MLIP: variants seen among roughly 807,000 people sequenced by gnomAD.
MLIP encodes muscular LMNA-interacting protein.
MLIP carries 79 observed loss-of-function variants against 84.8 expected under a neutral mutation model. The ratio of observed to expected loss-of-function variants is 0.93; its 90% confidence interval spans 0.78 to 1.12. The LOEUF (loss-of-function observed/expected upper bound fraction) is 1.12. Ranked by LOEUF, MLIP falls within the 50% of genes most tolerant of loss-of-function variation. MLIP has a pLI of 0.00. For synonymous variants in MLIP, 504 were observed against 463.0 expected, an observed-to-expected ratio of 1.09 and a Z score of -1.14; for missense variants, 1,257 against 1,160.6, an observed-to-expected ratio of 1.08 and a Z score of -1.21.
At chr6:54,198,878 C>CTG (rs66922206) in intron 10 of MLIP, among the ~76,000 whole-genome samples, 5 of 137,698 alleles carry the variant, frequency 3.6e-5, no homozygotes, top group South Asian at 2.3e-4. Context: ...GTGTGTGTGT[C>CTG]TGTGTGTGTG....
chr6:54,258,310 T>G (rs1026334154), intron 13 of MLIP, among the ~76,000 whole-genome samples: 3 of 152,100 alleles, frequency 2.0e-5, no homozygotes, highest in Non-Finnish European at 4.4e-5. Context: ...ATTTAGGGCA[T>G]ACTATCTACA....
chr6:54,111,293 A>ATTTATATGCCTTTTTTTTTG (rs1769440505), upstream of MLIP: 1 of 1,022,226 alleles, frequency 9.8e-7, no homozygotes, highest in African/African-American at 1.6e-5. Context: ...TAATGTTCCA[A>ATTTATATGCCTTTTTTTTTG]ATCTAAAAAT....
Position 54,241,627 on chromosome 6 carries a change from A to T in MLIP, c.2922+10710A>T, listed in dbSNP as rs112975406. ...AAATTAAAGTGCCCTTTTCATAAAG[A>T]TATTTTAAATTATAGCAATTATTTA... On this transcript the variant is annotated intron_variant, in intron 12 of 13. Transcript: ENST00000502396. Among the ~76,000 whole-genome samples, 75 of 152,268 alleles carry T rather than the reference A, an allele frequency of 4.9e-4. 2 individuals carry two copies. The highest frequency in any genetic ancestry group is 1.8e-3 in the African/African-American group (74 of 41,556).
chr6:54,134,546 A>C (rs1035588443), intron 3 of MLIP, among the ~76,000 whole-genome samples: 2 of 151,906 alleles, frequency 1.3e-5, no homozygotes, highest in Non-Finnish European at 2.9e-5. Flanking sequence ...TTAAAAATCA[A>C]TGTTTTAAAT....
At chr6:54,239,907 T>A (rs893622375) in intron 12 of MLIP, among the ~76,000 whole-genome samples, 1 of 152,234 alleles carries the variant, frequency 6.6e-6, no homozygotes, top group African/African-American at 2.4e-5. Flanking sequence ...ATGATTTCAA[T>A]ATTTTTAGTG....
chr6:54,135,729 C>G lies in MLIP; in HGVS notation c.646-986C>G, dbSNP rs371239360. ...TATTTCTTTTATATATTGACATAATCAAATCAATGACTTTTAAGGGAAAGT... is the reference window on the plus strand; with the variant it reads ...TATTTCTTTTATATATTGACATAATGAAATCAATGACTTTTAAGGGAAAGT... On this transcript the variant is annotated intron_variant, in intron 3 of 13. Transcript: ENST00000502396. Among the ~76,000 whole-genome samples the G allele has an allele frequency of 4.6e-5, 7 of 152,062 alleles. No individual in the cohort carries two copies. In the East Asian group the frequency reaches 1.4e-3, roughly 29 times the overall value.
chr6:54,184,310 A>C (rs1202601859), intron 9 of MLIP, among the ~76,000 whole-genome samples: 1 of 152,216 alleles, frequency 6.6e-6, no homozygotes, highest in Non-Finnish European at 1.5e-5. Flanking sequence ...GAAAGGCAAA[A>C]AAAGCATGCT....
chr6:54,093,309 T>C (rs751651263), intron 1 of MLIP, among the ~76,000 whole-genome samples: 29 of 145,170 alleles, frequency 2.0e-4, no homozygotes, highest in Non-Finnish European at 3.4e-4. Context: ...AAATAGTGCT[T>C]ATTAATATAT....
At chr6:54,038,300 C>T (rs1764556114) in intron 1 of MLIP, among the ~76,000 whole-genome samples, 1 of 151,918 alleles carries the variant, frequency 6.6e-6, no homozygotes, top group Non-Finnish European at 1.5e-5. Context: ...GAAAGCAAAT[C>T]TCAGAAGCAC....
At chr6:54,178,537 C>T (rs548480169) in intron 9 of MLIP, among the ~76,000 whole-genome samples, 34 of 152,196 alleles carry the variant, frequency 2.2e-4, no homozygotes, top group Admixed American at 1.6e-3. Context: ...TAGGCACTTA[C>T]AGCTATAAAT....
chr6:54,043,260 A>G (rs1337856861), intron 1 of MLIP: 1 of 152,216 alleles, frequency 6.6e-6, no homozygotes, highest in Non-Finnish European at 1.5e-5. Context: ...TTTTATATCA[A>G]CAATGAGTGT....
intron 12 of MLIP, among the ~76,000 whole-genome samples, chr6:54,244,742 T>C (rs1326245742): frequency 2.0e-5 from 3 of 152,206 alleles, no homozygotes; most frequent in Admixed American, 2.0e-4. Flanking sequence ...TTTTAAATTT[T>C]TTCCAGGAAA....
rs781473012 is a variant in MLIP, at chr6:54,136,855, G to A, written c.786G>A (p.Arg262=). The A allele has an allele frequency of 1.3e-6, 2 of 1,535,176 alleles. No homozygotes were observed. Among genetic ancestry groups the A allele is most frequent in the Non-Finnish European group, 1.7e-6 (2 of 1,146,112 alleles). ...CTGTCCTAGAGGAGTTCCACACTAGGAGGCTGGATGTCGGTGGGGCCGTGG... is the reference window on the plus strand; with the variant it reads ...CTGTCCTAGAGGAGTTCCACACTAGAAGGCTGGATGTCGGTGGGGCCGTGG... The part of the protein sequence containing the change: ...GASVLEEFHT[R]RLDVGGAVVE... The change falls in exon 4 of 14, where the codon AGG becomes AGA. Residue 262 remains arginine, a synonymous_variant. Coordinates refer to ENST00000502396, the MANE Select transcript of MLIP (RefSeq NM_001281747.2).
At chr6:54,062,409 G>A (rs539210217) in intron 1 of MLIP, among the ~76,000 whole-genome samples, 1 of 152,250 alleles carries the variant, frequency 6.6e-6, no homozygotes, top group Admixed American at 6.5e-5. Flanking sequence ...GATGTTTTAA[G>A]GGCCTTTTGC....
intron 12 of MLIP, among the ~76,000 whole-genome samples, chr6:54,252,682 T>C (rs1244974997): frequency 2.0e-5 from 3 of 151,612 alleles, no homozygotes; most frequent in African/African-American, 7.3e-5. Context: ...TTTAGCTTCA[T>C]CTAAAAGGCA....
At chr6:54,020,854 C>G (rs1174303155) in intron 1 of MLIP, among the ~76,000 whole-genome samples, 1 of 152,160 alleles carries the variant, frequency 6.6e-6, no homozygotes. Context: ...GAACATTCAC[C>G]TGCATTGAGA....
chr6:54,056,089 T>C (rs1051976558), intron 1 of MLIP, among the ~76,000 whole-genome samples: 1 of 152,214 alleles, frequency 6.6e-6, no homozygotes, highest in Non-Finnish European at 1.5e-5. Flanking sequence ...AAATATTTGG[T>C]TAAATTATTT....
chr6:54,184,899 C>T (rs900819504), intron 9 of MLIP, among the ~76,000 whole-genome samples: 1 of 152,110 alleles, frequency 6.6e-6, no homozygotes, highest in Non-Finnish European at 1.5e-5. Flanking sequence ...TTATACTCAT[C>T]TCAAATGTTA....
chr6:54,071,973 G>C (rs192836084), intron 1 of MLIP, among the ~76,000 whole-genome samples: 107 of 152,268 alleles, frequency 7.0e-4, no homozygotes, highest in African/African-American at 2.4e-3. Flanking sequence ...ACAGATAACA[G>C]CTTGAACATT....
Sources: gnomAD v4.1 joint callset for allele counts (sites outside exome capture counted in the v4.1 genomes callset) on GRCh38, gnomAD v4.1.1 for gene constraint, MANE v1.5 for transcripts, NCBI Gene and HGNC (gene_info 2026-07-23, HGNC 2026-07-21) for gene names.